Variants in CSMD3 observed in about 807,000 individuals in gnomAD.
CSMD3 encodes the protein CUB and sushi domain-containing protein 3.
In CSMD3, 177 loss-of-function variants were observed where a neutral mutation model predicts 435.2. The ratio of observed to expected loss-of-function variants is 0.41; its 90% CI spans 0.36 to 0.46. CSMD3 has a LOEUF of 0.46. Ranked by LOEUF, CSMD3 falls within the 20% of genes least tolerant of loss-of-function variation. The pLI is 0.34. For synonymous variants in CSMD3, 1,656 were observed against 1,520.5 expected (o/e 1.09, Z -2.07); for missense variants, 4,265 against 4,504.6 (o/e 0.95, Z 1.52).
rs1310017373 is a variant in CSMD3, at chr8:112,318,868, C to T, written c.7329G>A (p.Leu2443=). Residue 2443 remains leucine (L), a synonymous_variant, in exon 47 of 71, where the codon CTG becomes CTA. Transcript: ENST00000297405. ...AILTCRLGER[L]QMDGAPPVCQ... ...AAACTGGAGGTGCTCCATCCATCTGCAGTCGTTCTCCTAATCTGCACGTCA... is the reference window on the plus strand; with the variant it reads ...AAACTGGAGGTGCTCCATCCATCTGTAGTCGTTCTCCTAATCTGCACGTCA... 2 of 1,612,334 alleles carry T rather than the reference C, an allele frequency of 1.2e-6. No homozygotes were observed. The highest frequency in any genetic ancestry group is 2.2e-5 in the East Asian group (1 of 44,824).
chr8:113,176,442 G>T (rs1471530476), intron 3 of CSMD3, among the ~76,000 whole-genome samples: 1 of 152,022 alleles, frequency 6.6e-6, no homozygotes, highest in Non-Finnish European at 1.5e-5. Context: ...CAAGTATGAT[G>T]TGTCACTAAC....
At chr8:112,973,291 A>T (rs975467773) in intron 7 of CSMD3, among the ~76,000 whole-genome samples, 9 of 151,954 alleles carry the variant, frequency 5.9e-5, no homozygotes, top group Non-Finnish European at 1.2e-4. Context: ...TATCTAAAAA[A>T]ATTAAGCAAT....
intron 5 of CSMD3, among the ~76,000 whole-genome samples, chr8:113,089,413 C>T (rs1472723): frequency 0.67 from 102,182 of 151,972 alleles, 35,962 homozygotes; most frequent in East Asian, 0.95. Context: ...AAATACAAGT[C>T]ATAGTACTAA....
chr8:112,760,669 T>C (rs1057261648), intron 13 of CSMD3, among the ~76,000 whole-genome samples: 5 of 152,210 alleles, frequency 3.3e-5, no homozygotes, highest in Non-Finnish European at 5.9e-5. Context: ...CATTTCCCCT[T>C]GAACTTCAAT....
rs774678148 is a variant in CSMD3 at position 112,306,085 on chromosome 8, A to G, written c.7993T>C (p.Ser2665Pro). ...ACAGCTGTAGTGAGTTCTTTGGATGACAATCGATATCCATCATTACAAAAA... is the reference window on the plus strand; with the variant it reads ...ACAGCTGTAGTGAGTTCTTTGGATGGCAATCGATATCCATCATTACAAAAA... The part of the protein sequence containing the change: ...TYFCNDGYRL[S>P]SKELTTAVCQ... The change falls in exon 51 of 71, where the codon TCA (serine) becomes CCA (proline). Residue 2665 changes from serine (S) to proline (P), a missense_variant. Coordinates refer to ENST00000297405, the MANE Select transcript of CSMD3 (RefSeq NM_198123.2). 2 of 1,613,312 alleles carry G rather than the reference A, an allele frequency of 1.2e-6. No homozygotes were observed.
intron 5 of CSMD3, among the ~76,000 whole-genome samples, chr8:113,059,998 T>TA (rs34122557): frequency 0.11 from 16,590 of 150,726 alleles, 1,112 homozygotes; most frequent in Middle Eastern, 0.17. Context: ...TTTATTTATT[T>TA]TTTTTTTATT....
intron 22 of CSMD3, among the ~76,000 whole-genome samples, 168 bp from the exon 23 acceptor site, chr8:112,587,403 C>T (rs1830824543): frequency 6.6e-6 from 1 of 151,668 alleles, no homozygotes; most frequent in Non-Finnish European, 1.5e-5. Flanking sequence ...CCTCAAATAA[C>T]ATATGGGTGG....
chr8:112,250,354 G>T (rs1815151232), intron 63 of CSMD3, among the ~76,000 whole-genome samples: 2 of 151,460 alleles, frequency 1.3e-5, no homozygotes, highest in East Asian at 3.9e-4. Context: ...TAAGATTTTT[G>T]TCAAATTCAC....
chr8:113,237,560 G>A (rs1018165107), intron 3 of CSMD3, among the ~76,000 whole-genome samples: 1 of 152,188 alleles, frequency 6.6e-6, no homozygotes, highest in Non-Finnish European at 1.5e-5. Context: ...AATGGATTTA[G>A]TTAGCAGTGA....
chr8:113,125,157 G>A (rs1487507559), intron 4 of CSMD3, among the ~76,000 whole-genome samples: 1 of 151,878 alleles, frequency 6.6e-6, no homozygotes, highest in Non-Finnish European at 1.5e-5. Context: ...CCTGCATAAG[G>A]AGTAAGCACA....
At chr8:112,372,652 C>A (rs1302326837) in intron 38 of CSMD3, among the ~76,000 whole-genome samples, 1 of 151,910 alleles carries the variant, frequency 6.6e-6, no homozygotes, top group Non-Finnish European at 1.5e-5. Context: ...GAGTTCGAGA[C>A]CAGAGTGGGC....
intron 2 of CSMD3, among the ~76,000 whole-genome samples, chr8:113,294,886 T>A (rs1343676644): frequency 6.6e-6 from 1 of 152,088 alleles, no homozygotes; most frequent in Non-Finnish European, 1.5e-5. Context: ...GAAGCCAAGA[T>A]TTCAAGAGTA....
intron 3 of CSMD3, among the ~76,000 whole-genome samples, chr8:113,225,561 G>A (rs570616145): frequency 8.5e-4 from 128 of 151,116 alleles, no homozygotes; most frequent in African/African-American, 2.9e-3. Flanking sequence ...AATGACGAGA[G>A]AAAAAAAATT....
rs1563651974 is a variant in CSMD3 at position 112,223,924 on chromosome 8, TGCCA to T, written c.*843_*846del. ...AATAATAATTTTTCTAGATAATTTCTGCCAGCCAAATGGTTTTTGGGTGAGGAAA... is the reference window on the plus strand; with the variant it reads ...AATAATAATTTTTCTAGATAATTTCTGCCAAATGGTTTTTGGGTGAGGAAA... On this transcript the variant is annotated 3_prime_UTR_variant, in exon 71 of 71. Coordinates refer to ENST00000297405, the MANE Select transcript of CSMD3 (RefSeq NM_198123.2). 6.6e-6 allele frequency: 1 copy of T among 152,172 alleles called. No individual in the cohort carries two copies. Among genetic ancestry groups the T allele is most frequent in the African/African-American group, 2.4e-5 (1 of 41,456 alleles). The allele number at this position is 152,172 out of a possible 1,614,324, so 9.4% of individuals were successfully genotyped here. A position where few individuals can be genotyped will look rare whatever the true frequency, so the allele number is the denominator to read the frequency against.
chr8:113,135,197 T>C (rs1290322228), intron 4 of CSMD3, among the ~76,000 whole-genome samples: 3 of 152,014 alleles, frequency 2.0e-5, no homozygotes, highest in Non-Finnish European at 4.4e-5. Context: ...CTGTAGATTA[T>C]AATTTCCACA....
chr8:112,507,024 T>C (rs973798739), intron 28 of CSMD3, among the ~76,000 whole-genome samples, 195 bp from the exon 29 acceptor site: 1 of 152,124 alleles, frequency 6.6e-6, no homozygotes, highest in African/African-American at 2.4e-5. Context: ...CATACATACA[T>C]GGATACATAA....
intron 27 of CSMD3, among the ~76,000 whole-genome samples, chr8:112,545,818 T>C (rs1282343895): frequency 6.6e-6 from 1 of 152,178 alleles, no homozygotes; most frequent in Non-Finnish European, 1.5e-5. Flanking sequence ...TGGCTTATTT[T>C]AATGAACTAC....
intron 13 of CSMD3, among the ~76,000 whole-genome samples, chr8:112,763,514 A>C (rs1221102549): frequency 2.0e-5 from 3 of 149,760 alleles, no homozygotes; most frequent in Non-Finnish European, 4.5e-5. Context: ...GAACATTTGA[A>C]CATTGAATAA....
chr8:112,292,590 T>G lies in CSMD3; in HGVS notation c.8735A>C (p.Lys2912Thr). The change falls in exon 55 of 71, where the codon AAG becomes ACG. Residue 2912 changes from lysine (K) to threonine (T), a missense_variant. By Grantham distance (78) the Lys-to-Thr change is moderately conservative. Transcript: ENST00000297405. ...CTGTCTGTTGGCCTGGCACTGTGCC[T>G]TTGTTGGCCCTTGCATAAGATACCC... The part of the protein sequence containing the change: ...NIGYLMQGPT[K>T]AQCQANRQWS... The G allele has an allele frequency of 6.2e-7, 1 of 1,613,852 alleles. No homozygotes were observed.
Sources: allele counts gnomAD v4.1 joint callset (sites outside exome capture counted in the v4.1 genomes callset), GRCh38; gene constraint gnomAD v4.1.1; transcripts MANE v1.5; gene names NCBI Gene and HGNC (gene_info 2026-07-23, HGNC 2026-07-21).